Variants in VPS13A observed in about 807,000 individuals in gnomAD.
VPS13A encodes vacuolar protein sorting 13 homolog A.
In VPS13A, 264 loss-of-function variants were observed where a neutral mutation model predicts 390.9. The observed-to-expected ratio is 0.68, with a 90% CI of 0.61 to 0.75. The LOEUF (loss-of-function observed/expected upper bound fraction) is 0.75. Among genes scored for constraint, VPS13A ranks in the 30% least tolerant of loss-of-function variants. The pLI, the probability that VPS13A is intolerant of heterozygous loss-of-function variation, is 0.00. For synonymous variants in VPS13A, 1,231 were observed against 1,227.1 expected (o/e 1.00, Z -0.07); for missense variants, 3,409 against 3,733.9 (o/e 0.91, Z 2.27).
At position 77,416,258 on chromosome 9, in the gene VPS13A, A is replaced by G. The variant is rs1029671181; in HGVS notation, c.*252A>G. 3.7e-5 allele frequency: 15 copies of G among 405,028 alleles called. No individual in the cohort carries two copies. Among genetic ancestry groups the G allele is most frequent in the African/African-American group, 1.2e-4 (6 of 49,130 alleles). 25.1% of individuals were successfully genotyped at this position (405,028 alleles called of 1,614,324 possible). ...TCTAAATTGAATCATGCATCTATTT[A>G]TAATTCTAATTATTTTGTAAAAGAA... On this transcript the variant is annotated 3_prime_UTR_variant, in exon 72 of 72. Coordinates refer to ENST00000360280, the MANE Select transcript of VPS13A (RefSeq NM_033305.3).
In VPS13A at chr9:77,417,277, CTG is replaced by C. The variant is rs1835198095; in HGVS notation, c.*1273_*1274del. The C allele has an allele frequency of 1.3e-5, 2 of 152,108 alleles. No homozygotes were observed. Among genetic ancestry groups the C allele is most frequent in the Admixed American group, 1.3e-4 (2 of 15,272 alleles). The allele number at this position is 152,108 out of a possible 1,614,324, so 9.4% of individuals were successfully genotyped here. ...TTAACTGTTTTTGGAATTGAAGACT[CTG>C]TATAGTCAATAGTTGTGAAATTCTT... On this transcript the variant is annotated 3_prime_UTR_variant, in exon 72 of 72. Coordinates refer to ENST00000360280, the MANE Select transcript of VPS13A (RefSeq NM_033305.3).
intron 34 of VPS13A, among the ~76,000 whole-genome samples, chr9:77,306,401 A>AGAGAGAGAGTGT (rs550279922): frequency 6.5e-5 from 7 of 107,790 alleles, no homozygotes; most frequent in African/African-American, 2.4e-4. Flanking sequence ...AGAGAGAGAG[A>AGAGAGAGAGTGT]GTGTGTGTGT....
intron 69 of VPS13A, among the ~76,000 whole-genome samples, chr9:77,405,271 T>A (rs1335377654): frequency 6.6e-6 from 1 of 152,224 alleles, no homozygotes; most frequent in African/African-American, 2.4e-5. Context: ...ATGATGATTC[T>A]GTTCAACATG....
At chr9:77,199,355 G>A (rs56312875) in intron 1 of VPS13A, among the ~76,000 whole-genome samples, 30,941 of 151,958 alleles carry the variant, frequency 0.2, 3,354 homozygotes, top group Middle Eastern at 0.26. Flanking sequence ...TGTTCTAAAG[G>A]TATTTTCTTT....
rs960770074 is a variant in VPS13A, at chr9:77,339,931, T to C, written c.6774+20T>C. ...AATAAGGTATGCGATGTTTATTCTG[T>C]TTTTCCCTTGTCTTTAGCTACTTGT... On this transcript the variant is annotated intron_variant, in intron 48 of 71. Coordinates refer to ENST00000360280, the MANE Select transcript of VPS13A (RefSeq NM_033305.3). 2 of 1,605,274 alleles carry C rather than the reference T, an allele frequency of 1.2e-6. No homozygotes were observed. Among genetic ancestry groups the C allele is most frequent in the Non-Finnish European group, 8.5e-7 (1 of 1,179,296 alleles).
At chr9:77,363,469 G>A (rs1832266204) in intron 59 of VPS13A, among the ~76,000 whole-genome samples, 1 of 136,760 alleles carries the variant, frequency 7.3e-6, no homozygotes, top group African/African-American at 2.7e-5. Flanking sequence ...TGCTGCAAAA[G>A]CAATCTCAGC....
intron 33 of VPS13A, among the ~76,000 whole-genome samples, chr9:77,297,169 T>C (rs1828050472): frequency 6.6e-6 from 1 of 152,134 alleles, no homozygotes; most frequent in Non-Finnish European, 1.5e-5. Flanking sequence ...TTTTGCTCTT[T>C]TTATAAGTTT....
Position 77,363,055 on chromosome 9 carries a change from G to A in VPS13A, c.8212-2405G>A, listed in dbSNP as rs371174971. 1.2e-4 allele frequency among the ~76,000 whole-genome samples: 18 copies of A among 152,222 alleles called. No individual in the cohort carries two copies. The East Asian group carries it at 3.5e-3, about 29-fold the overall frequency. ...CATAAGATCGTGTCATCTGAGAGGAGAGGTAGTTTTACTTCATTCTTTCTG... is the reference window on the plus strand; with the variant it reads ...CATAAGATCGTGTCATCTGAGAGGAAAGGTAGTTTTACTTCATTCTTTCTG... On this transcript the variant is annotated intron_variant, in intron 59 of 71. Coordinates refer to ENST00000360280, the MANE Select transcript of VPS13A (RefSeq NM_033305.3).
chr9:77,235,495 T>C (rs1460254788), intron 17 of VPS13A, among the ~76,000 whole-genome samples: 1 of 152,210 alleles, frequency 6.6e-6, no homozygotes, highest in Non-Finnish European at 1.5e-5. Flanking sequence ...CTTTTGACAG[T>C]TGGATTATAA....
rs776569106 is a variant in VPS13A at position 77,302,983 on chromosome 9, T to G, written c.3881T>G (p.Val1294Gly). 1 of 1,614,052 alleles carries G rather than the reference T, an allele frequency of 6.2e-7. No homozygotes were observed. The highest frequency in any genetic ancestry group is 1.7e-5 in the Admixed American group (1 of 60,020). ...CTCCTGCCATTAAATCTTGAGGTTG[T>G]GGTTGAACGAAATTTATGCTGGGAG... ...DLLLPLNLEV[V>G]VERNLCWEWY... Residue 1294 changes from valine to glycine, a missense_variant, in exon 34 of 72, where the codon GTG becomes GGG. Physicochemically the swap from Val to Gly is moderately radical, Grantham distance 109 (BLOSUM62 -3). Transcript: ENST00000360280.
At chr9:77,189,273 G>C (rs1471437165) in intron 1 of VPS13A, among the ~76,000 whole-genome samples, 1 of 151,416 alleles carries the variant, frequency 6.6e-6, no homozygotes, top group Non-Finnish European at 1.5e-5. Flanking sequence ...AATCTATCTT[G>C]AGTTGATTGT....
At chr9:77,194,353 A>G (rs1379009503) in intron 1 of VPS13A, among the ~76,000 whole-genome samples, 1 of 139,120 alleles carries the variant, frequency 7.2e-6, no homozygotes, top group Non-Finnish European at 1.6e-5. Flanking sequence ...GCAACCAGGG[A>G]TGGGGGTTGG....
intron 3 of VPS13A, 25 bp from the exon 4 acceptor site, chr9:77,205,286 CTT>C (rs376617644): frequency 4.4e-4 from 441 of 1,000,488 alleles, no homozygotes; most frequent in South Asian, 1.2e-3. Flanking sequence ...ATTTTTTGTC[CTT>C]TTTTTTTTTC....
At chr9:77,382,408 G>T in intron 68 of VPS13A, 5 of 1,441,456 alleles carry the variant, frequency 3.5e-6, no homozygotes, top group African/African-American at 1.5e-5. Context: ...AAAACCTTTT[G>T]TATTGGTAAC....
rs1357486811 is a variant in VPS13A at position 77,247,324 on chromosome 9, A to G, written c.1966A>G (p.Ile656Val). 10 of 1,611,600 alleles carry G rather than the reference A, an allele frequency of 6.2e-6. No homozygotes were observed. Among genetic ancestry groups the G allele is most frequent in the African/African-American group, 1.3e-5 (1 of 74,860 alleles). ...DLKINLKASY[I>V]IVPQDGIFSP... The stretch of plus-strand genomic sequence containing the variant: ...CAAAATTAATTTGAAGGCTTCATAT[A>G]TTATTGTCCCACAAGATGGAATTTT... The change falls in exon 20 of 72, where the codon ATT becomes GTT. Residue 656 changes from isoleucine to valine, a missense_variant. This residue lies in a region of VPS13A where 2,717 missense variants were observed against 2,917.4 expected (regional missense o/e 0.93). Coordinates refer to ENST00000360280, the MANE Select transcript of VPS13A (RefSeq NM_033305.3).
chr9:77,252,621 A>G (rs937789211), intron 22 of VPS13A, among the ~76,000 whole-genome samples: 10 of 152,142 alleles, frequency 6.6e-5, no homozygotes, highest in African/African-American at 2.4e-4. Flanking sequence ...GAAACTCTGT[A>G]CTCAATTAAA....
In VPS13A at chr9:77,361,766, G is replaced by A. The variant is rs535473465; in HGVS notation, c.8211+1125G>A. On this transcript the variant is annotated intron_variant, in intron 59 of 71. Transcript: ENST00000360280. ...CCTCCACCATTTTACATTCTTACCAGAGCATATGAGGGCTCTGATTTTTCC... is the reference window on the plus strand; with the variant it reads ...CCTCCACCATTTTACATTCTTACCAAAGCATATGAGGGCTCTGATTTTTCC... 1.4e-4 allele frequency among the ~76,000 whole-genome samples: 21 copies of A among 152,176 alleles called. 1 individual carries two copies. Among genetic ancestry groups the A allele is most frequent in the Admixed American group, 9.8e-4 (15 of 15,302 alleles).
intron 35 of VPS13A, among the ~76,000 whole-genome samples, chr9:77,313,025 C>T (rs898240581): frequency 1.1e-4 from 17 of 152,028 alleles, no homozygotes; most frequent in African/African-American, 4.1e-4. Flanking sequence ...AATCTGGAAA[C>T]AACTCAAATG....
At chr9:77,193,872 GGCAT>G (rs1824832453) in intron 1 of VPS13A, among the ~76,000 whole-genome samples, 1 of 152,116 alleles carries the variant, frequency 6.6e-6, no homozygotes, top group African/African-American at 2.4e-5. Flanking sequence ...TTAGTCGACT[GGCAT>G]AGTTTCTTGA....
Sources: allele counts gnomAD v4.1 joint callset (sites outside exome capture counted in the v4.1 genomes callset), GRCh38; gene constraint gnomAD v4.1.1; regional missense constraint gnomAD v4.1.1; transcripts MANE v1.5; gene names NCBI Gene and HGNC (gene_info 2026-07-23, HGNC 2026-07-21).